PDE1C: variants seen among roughly 807,000 people sequenced by gnomAD.
The protein encoded by PDE1C is dual specificity calcium/calmodulin-dependent 3',5'-cyclic nucleotide phosphodiesterase 1C.
PDE1C carries 62 observed loss-of-function variants against 93.1 expected under a neutral mutation model. The ratio of observed to expected loss-of-function variants is 0.67; its 90% CI spans 0.54 to 0.82. The LOEUF (loss-of-function observed/expected upper bound fraction) is 0.82. Among genes scored for constraint, PDE1C ranks in the 40% least tolerant of loss-of-function variants. The probability of loss-of-function intolerance (pLI) is 0.00; values close to 1 mark genes in which losing one functional copy is unlikely to be tolerated. For missense variants in PDE1C, 742 were observed against 884.6 expected (o/e 0.84, Z 2.04); for synonymous variants, 325 against 310.1 (o/e 1.05, Z -0.50).
At chr7:31,866,195 C>CA (rs1795275683) in intron 6 of PDE1C, among the ~76,000 whole-genome samples, 1 of 151,884 alleles carries the variant, frequency 6.6e-6, no homozygotes, top group Non-Finnish European at 1.5e-5. Context: ...TGAGGATTAA[C>CA]AATTACATTT....
At chr7:31,913,210 G>T (rs563217492) in intron 2 of PDE1C, among the ~76,000 whole-genome samples, 4 of 152,208 alleles carry the variant, frequency 2.6e-5, no homozygotes, top group Non-Finnish European at 5.9e-5. Context: ...TTTCTTCCAT[G>T]TTATTTACAA....
At chr7:31,703,306 G>C in the PDE1C span, among the ~76,000 whole-genome samples, 3 of 152,180 alleles carry the variant, frequency 2.0e-5, no homozygotes, top group South Asian at 6.2e-4. Context: ...GCTGATTCAA[G>C]GAACAGCCTA....
intron 10 of PDE1C, 52 bp from the exon 11 acceptor site, chr7:31,837,352 A>C: frequency 2.0e-6 from 3 of 1,474,856 alleles, no homozygotes; most frequent in Non-Finnish European, 2.7e-6. Flanking sequence ...TCAGAACCTC[A>C]GTAAGAGTTT....
chr7:31,952,271 AC>A (rs988598232), intron 2 of PDE1C, among the ~76,000 whole-genome samples: 1 of 150,862 alleles, frequency 6.6e-6, no homozygotes, highest in African/African-American at 2.4e-5. Flanking sequence ...TTTCCTTTTG[AC>A]AGAGTCTTGC....
intron 2 of PDE1C, among the ~76,000 whole-genome samples, chr7:32,190,228 T>C (rs6970209): frequency 0.55 from 83,239 of 152,058 alleles, 22,897 homozygotes; most frequent in Admixed American, 0.64. Flanking sequence ...AACTACACAG[T>C]TGAAGAGGGA....
At chr7:31,772,500 TTCTC>T (rs142016404) in intron 17 of PDE1C, among the ~76,000 whole-genome samples, 2 of 149,374 alleles carry the variant, frequency 1.3e-5, no homozygotes, top group African/African-American at 2.5e-5. Flanking sequence ...GCTTCTGCAG[TTCTC>T]TCTCTCTCTT....
Position 31,914,687 on chromosome 7 carries a change from C to T in PDE1C, c.129-33827G>A, listed in dbSNP as rs13239101. Among the ~76,000 whole-genome samples, 819 of 152,254 alleles carry T rather than the reference C, an allele frequency of 5.4e-3. 9 individuals carry two copies. The highest frequency in any genetic ancestry group is 0.018 in the African/African-American group (761 of 41,552). ...ATATAAGACATTGCCTCAAGAACAA[C>T]TTGGGTAAAAGATACCCATGCCACA... On this transcript the variant is annotated intron_variant, in intron 2 of 17. Coordinates refer to ENST00000396191, the MANE Select transcript of PDE1C (RefSeq NM_001191057.4).
At chr7:31,631,337 CATT>C in the PDE1C span, among the ~76,000 whole-genome samples, 2 of 152,086 alleles carry the variant, frequency 1.3e-5, no homozygotes, top group Non-Finnish European at 2.9e-5. Flanking sequence ...GAAAAATTCA[CATT>C]ATATGAAAAA....
chr7:32,208,492 A>G (rs932506423), intron 2 of PDE1C, among the ~76,000 whole-genome samples: 1 of 138,142 alleles, frequency 7.2e-6, no homozygotes, highest in African/African-American at 2.6e-5. Flanking sequence ...GGTGACTTTT[A>G]GGAAGGCAAA....
At chr7:31,821,559 G>GGAA (rs2128734625) in intron 14 of PDE1C, among the ~76,000 whole-genome samples, 1 of 152,182 alleles carries the variant, frequency 6.6e-6, no homozygotes, top group Non-Finnish European at 1.5e-5. Context: ...CTGCCAACAG[G>GGAA]GAAGATTGAA....
intron 2 of PDE1C, among the ~76,000 whole-genome samples, chr7:31,925,873 G>C (rs1378809161): frequency 1.3e-5 from 2 of 151,974 alleles, no homozygotes; most frequent in South Asian, 2.1e-4. Context: ...TTAGGGGTTT[G>C]GCAAATATGC....
rs112008699 is a variant in PDE1C, at chr7:31,752,172, C to T, written c.*1212G>A. On this transcript the variant is annotated 3_prime_UTR_variant, in exon 18 of 18. Transcript: ENST00000396191. The stretch of plus-strand genomic sequence containing the variant: ...TAGACAGAATAGGATGAAGATCAGA[C>T]TGGCCTGAAAACAAACCTAGTTTTC... 101 of 152,316 alleles carry T rather than the reference C, an allele frequency of 6.6e-4. 1 individual carries two copies. Among genetic ancestry groups the T allele is most frequent in the African/African-American group, 2.2e-3 (90 of 41,572 alleles). The allele number at this position is 152,316 out of a possible 1,614,324, so 9.4% of individuals were successfully genotyped here.
chr7:31,878,253 G>GA (rs570025271), intron 4 of PDE1C, among the ~76,000 whole-genome samples: 11 of 151,686 alleles, frequency 7.3e-5, no homozygotes, highest in South Asian at 2.1e-4. Context: ...AACCATGGGG[G>GA]AAAAAAAACC....
chr7:32,339,045 CACAA>C (rs1240197643), intron 1 of PDE1C, among the ~76,000 whole-genome samples: 3 of 147,332 alleles, frequency 2.0e-5, no homozygotes, highest in Non-Finnish European at 4.5e-5. Flanking sequence ...CACACACACA[CACAA>C]AGAGTATTAG....
At chr7:32,026,068 A>C (rs1240316203) in intron 2 of PDE1C, among the ~76,000 whole-genome samples, 1 of 142,940 alleles carries the variant, frequency 7.0e-6, no homozygotes, top group Non-Finnish European at 1.5e-5. Context: ...GTGTGCATGC[A>C]CACACATACA....
At chr7:31,914,214 T>A (rs73308625) in intron 2 of PDE1C, among the ~76,000 whole-genome samples, 2,242 of 152,190 alleles carry the variant, frequency 0.015, 42 homozygotes, top group African/African-American at 0.052. Context: ...GTAAAAGAAG[T>A]CAAAGTCCAA....
chr7:32,359,779 A>G (rs990034074), intron 1 of PDE1C, among the ~76,000 whole-genome samples: 1 of 152,154 alleles, frequency 6.6e-6, no homozygotes, highest in Admixed American at 6.5e-5. Context: ...TCCCAGCACA[A>G]CTGTTCCATT....
chr7:31,665,182 A>G, the PDE1C span, among the ~76,000 whole-genome samples: 2 of 151,904 alleles, frequency 1.3e-5, no homozygotes, highest in South Asian at 4.1e-4. Flanking sequence ...CCCTCTTTGC[A>G]TTTGCTTTTC....
intron 2 of PDE1C, among the ~76,000 whole-genome samples, chr7:31,936,998 G>T (rs1173496420): frequency 1.3e-5 from 2 of 152,194 alleles, no homozygotes; most frequent in Non-Finnish European, 2.9e-5. Flanking sequence ...AAATGGGCAG[G>T]TTGGGAGGGG....
Sources: allele counts gnomAD v4.1 joint callset (sites outside exome capture counted in the v4.1 genomes callset), GRCh38; gene constraint gnomAD v4.1.1; transcripts MANE v1.5; gene names NCBI Gene and HGNC (gene_info 2026-07-23, HGNC 2026-07-21).